TTC22: variants seen among roughly 807,000 people sequenced by gnomAD.
The protein encoded by TTC22 is tetratricopeptide repeat protein 22.
Under a neutral mutation model 48.2 loss-of-function variants are expected in TTC22, and 42 were observed. The observed-to-expected ratio is 0.87, with a 90% CI of 0.68 to 1.13. The LOEUF (loss-of-function observed/expected upper bound fraction) is 1.13. TTC22 is among the 50% of genes most tolerant of loss of function. The pLI, the probability that TTC22 is intolerant of heterozygous loss-of-function variation, is 0.00. For missense variants in TTC22, 784 were observed against 807.0 expected, an observed-to-expected ratio of 0.97 and a Z score of 0.34; for synonymous variants, 345 against 365.5, an observed-to-expected ratio of 0.94 and a Z score of 0.64.
chr1:54,787,234 A>C (rs1373829964), intron 3 of TTC22, 159 bp from the exon 4 acceptor site: 1 of 544,944 alleles, frequency 1.8e-6, no homozygotes, highest in African/African-American at 1.9e-5. Context: ...AAAGGTGGAG[A>C]GAGGGGCCAT....
At chr1:54,794,401 T>G (rs1646375064) in intron 1 of TTC22, among the ~76,000 whole-genome samples, 1 of 152,128 alleles carries the variant, frequency 6.6e-6, no homozygotes, top group Non-Finnish European at 1.5e-5. Context: ...GAAGGAAATG[T>G]TGGGGAGCTT....
At chr1:54,782,024 T>C (rs1247536198) in intron 6 of TTC22, among the ~76,000 whole-genome samples, 1 of 152,266 alleles carries the variant, frequency 6.6e-6, no homozygotes, top group Non-Finnish European at 1.5e-5. Context: ...CTCGGTTTTC[T>C]TGTACCTAAA....
Position 54,781,323 on chromosome 1 carries a change from C to A in TTC22, c.1630G>T (p.Val544Leu). The A allele has an allele frequency of 7.0e-7, 1 of 1,429,248 alleles. No individual in the cohort carries two copies. The highest frequency in any genetic ancestry group is 3.2e-5 in the Admixed American group (1 of 31,528). The allele number at this position is 1,429,248 out of a possible 1,614,324, so 88.5% of individuals were successfully genotyped here. A position where few individuals can be genotyped will look rare whatever the true frequency, so the allele number is the denominator to read the frequency against. ...ALVAQGRPAL[V>L]RLLFETMERE... is the part of the protein sequence containing the mutation. ...TCCATGGTCTCGAAGAGCAGCCGCA[C>A]CAGCGCCGGCCGTCCCTGGGCCACC... The change falls in exon 7 of 7, where the codon GTG (valine) becomes TTG (leucine). Residue 544 changes from valine (V) to leucine (L), a missense_variant. Coordinates refer to ENST00000371276, the MANE Select transcript of TTC22 (RefSeq NM_001114108.2).
At chr1:54,783,510 C>T (rs915197133) in intron 5 of TTC22, among the ~76,000 whole-genome samples, 1 of 152,186 alleles carries the variant, frequency 6.6e-6, no homozygotes, top group Non-Finnish European at 1.5e-5. Context: ...CATTAAGAGC[C>T]TCCTCTGTGC....
At position 54,781,042 on chromosome 1, in the gene TTC22, G is replaced by A. The variant is rs922722197; in HGVS notation, c.*201C>T. 4 of 408,444 alleles carry A rather than the reference G, an allele frequency of 9.8e-6. No homozygotes were observed. The highest frequency in any genetic ancestry group is 8.3e-5 in the African/African-American group (4 of 47,972). 25.3% of individuals were successfully genotyped at this position (408,444 alleles called of 1,614,324 possible). A position where few individuals can be genotyped will look rare whatever the true frequency, so the allele number is the denominator to read the frequency against. On this transcript the variant is annotated 3_prime_UTR_variant, in exon 7 of 7. Transcript: ENST00000371276. ...TCTGCTCCCAGCCTCTTCTGCTCTCGGGAATCAGGCCTTCCAGTCTGGGTG... is the reference window on the plus strand; with the variant it reads ...TCTGCTCCCAGCCTCTTCTGCTCTCAGGAATCAGGCCTTCCAGTCTGGGTG...
intron 1 of TTC22, among the ~76,000 whole-genome samples, chr1:54,796,853 G>A (rs944577392): frequency 6.6e-6 from 1 of 152,178 alleles, no homozygotes; most frequent in Non-Finnish European, 1.5e-5. Flanking sequence ...CAGACATTGA[G>A]GAGGGTGGAT....
chr1:54,793,724 T>C (rs1484892923), intron 1 of TTC22, among the ~76,000 whole-genome samples: 1 of 152,206 alleles, frequency 6.6e-6, no homozygotes, highest in African/African-American at 2.4e-5. Context: ...GAACACTTAC[T>C]ATGCACCAGG....
intron 4 of TTC22, chr1:54,786,712 A>C (rs1557772289): frequency 2.6e-6 from 1 of 384,602 alleles, no homozygotes; most frequent in Non-Finnish European, 4.6e-6. Flanking sequence ...TGAAGGTCTC[A>C]AGGGAAAAAG....
Position 54,779,826 on chromosome 1 carries a change from G to A in TTC22, c.*1417C>T, listed in dbSNP as rs1382881940. On this transcript the variant is annotated 3_prime_UTR_variant, in exon 7 of 7. Transcript: ENST00000371276. ...TTTGGGCAAGCCACTTCCCTTCTAT[G>A]GCTCTCAGTTTTCCCATCTGCACAA... 1 of 152,192 alleles carries A rather than the reference G, an allele frequency of 6.6e-6. No individual in the cohort carries two copies. The highest frequency in any genetic ancestry group is 1.5e-5 in the Non-Finnish European group (1 of 68,032). The allele number at this position is 152,192 out of a possible 1,614,324, so 9.4% of individuals were successfully genotyped here. A position where few individuals can be genotyped will look rare whatever the true frequency, so the allele number is the denominator to read the frequency against.
At position 54,787,738 on chromosome 1, in the gene TTC22, G is replaced by T. The variant is rs769246960; in HGVS notation, c.712C>A (p.Leu238Met). ...CGGTGGCGGGGGTCCTCGGACTTCA[G>T]CACTTGCCGGAGTAGGGCCAGCGTG... The part of the protein sequence containing the change: ...NRTLALLRQV[L>M]KSEDPRHRAL... The change falls in exon 3 of 7, where the codon CTG becomes ATG. Residue 238 changes from leucine to methionine, a missense_variant. By Grantham distance (15) the Leu-to-Met change is conservative. Coordinates refer to ENST00000371276, the MANE Select transcript of TTC22 (RefSeq NM_001114108.2). 4 of 1,613,398 alleles carry T rather than the reference G, an allele frequency of 2.5e-6. No individual in the cohort carries two copies. In the South Asian group the frequency reaches 4.4e-5, roughly 18 times the overall value.
At position 54,781,441 on chromosome 1, in the gene TTC22, G is replaced by A. The variant is rs1646261364; in HGVS notation, c.1512C>T (p.Ala504=). Reference sequence around the variant, plus strand: ...GGCGCGCCGCGGGGTACTTGTCCTGGGCGCGGCGCAGCCAGGCGTCCACCT... The same window carrying A: ...GGCGCGCCGCGGGGTACTTGTCCTGAGCGCGGCGCAGCCAGGCGTCCACCT... The part of the protein sequence containing the change: ...GREVDAWLRR[A]QDKYPAARLR... The change falls in exon 7 of 7, where the codon GCC becomes GCT. Residue 504 remains alanine, a synonymous_variant. Transcript: ENST00000371276. 6.9e-7 allele frequency: 1 copy of A among 1,441,444 alleles called. No homozygotes were observed. The highest frequency in any genetic ancestry group is 9.0e-7 in the Non-Finnish European group (1 of 1,107,620). The allele number at this position is 1,441,444 out of a possible 1,614,324, so 89.3% of individuals were successfully genotyped here. A position where few individuals can be genotyped will look rare whatever the true frequency, so the allele number is the denominator to read the frequency against.
chr1:54,795,278 G>A (rs3753402), intron 1 of TTC22, among the ~76,000 whole-genome samples: 1 of 152,204 alleles, frequency 6.6e-6, no homozygotes, highest in African/African-American at 2.4e-5. Flanking sequence ...GGTGGTATGC[G>A]CACAGGTGGA....
intron 1 of TTC22, among the ~76,000 whole-genome samples, chr1:54,799,073 T>A (rs935401454): frequency 1.3e-5 from 2 of 152,296 alleles, no homozygotes; most frequent in Middle Eastern, 6.8e-3. Context: ...ATAAATAGGG[T>A]CTCCAAATCC....
chr1:54,793,661 C>T (rs562157268), intron 1 of TTC22, among the ~76,000 whole-genome samples: 4 of 151,652 alleles, frequency 2.6e-5, no homozygotes, highest in South Asian at 2.1e-4. Context: ...GTAACAGTCT[C>T]GACTGAAACC....
chr1:54,798,434 T>C (rs2101474817), intron 1 of TTC22, among the ~76,000 whole-genome samples: 1 of 152,322 alleles, frequency 6.6e-6, no homozygotes, highest in East Asian at 1.9e-4. Flanking sequence ...GGTCCCCATA[T>C]CCCCAGAGTG....
chr1:54,797,220 A>G (rs1395644153), intron 1 of TTC22, among the ~76,000 whole-genome samples: 1 of 152,196 alleles, frequency 6.6e-6, no homozygotes, highest in Non-Finnish European at 1.5e-5. Flanking sequence ...TACTTAATCT[A>G]GAGATTTGCT....
chr1:54,782,349 G>C lies in TTC22; in HGVS notation c.1149C>G (p.Phe383Leu). ...LEEVVRVCPG[F>L]KAYLDIGQVY... ...CCTGGCCGATGTCCAGGTACGCCTTGAAGCCTGGGCACACCCTGACCACTT... is the reference window on the plus strand; with the variant it reads ...CCTGGCCGATGTCCAGGTACGCCTTCAAGCCTGGGCACACCCTGACCACTT... The change falls in exon 6 of 7, where the codon TTC (phenylalanine) becomes TTG (leucine). Residue 383 changes from phenylalanine (F) to leucine (L), a missense_variant. Coordinates refer to ENST00000371276, the MANE Select transcript of TTC22 (RefSeq NM_001114108.2). 3 of 1,546,964 alleles carry C rather than the reference G, an allele frequency of 1.9e-6. No homozygotes were observed. The highest frequency in any genetic ancestry group is 1.7e-6 in the Non-Finnish European group (2 of 1,144,776).
chr1:54,800,654 C>G lies in TTC22; in HGVS notation c.510G>C (p.Ala170=). The part of the protein sequence containing the change: ...DVGCASPEER[A]RGLAAGIALY... Reference sequence around the variant, plus strand: ...GCGCGATGCCTGCCGCCAGCCCCCGCGCACGCTCCTCTGGGCTGGCGCAGC... The same window carrying G: ...GCGCGATGCCTGCCGCCAGCCCCCGGGCACGCTCCTCTGGGCTGGCGCAGC... Residue 170 remains alanine, a synonymous_variant, in exon 1 of 7, where the codon GCG becomes GCC. Coordinates refer to ENST00000371276, the MANE Select transcript of TTC22 (RefSeq NM_001114108.2). 1.9e-6 allele frequency: 3 copies of G among 1,555,478 alleles called. No individual in the cohort carries two copies. The highest frequency in any genetic ancestry group is 2.6e-6 in the Non-Finnish European group (3 of 1,161,752).
In TTC22 at chr1:54,800,945, G is replaced by C. The variant is rs772753940; in HGVS notation, c.219C>G (p.Gly73=). Residue 73 remains glycine, a synonymous_variant, in exon 1 of 7, where the codon GGC becomes GGG. Coordinates refer to ENST00000371276, the MANE Select transcript of TTC22 (RefSeq NM_001114108.2). The stretch of plus-strand genomic sequence containing the variant: ...GCTCCTCCAGGTAGAATGCGAAAGC[G>C]CCCAGGAGGTGACGCACAGCGGGGC... ...PQRPAVRHLL[G]AFAFYLEELD... 6.2e-7 allele frequency: 1 copy of C among 1,607,154 alleles called. No homozygotes were observed. The highest frequency in any genetic ancestry group is 2.2e-5 in the East Asian group (1 of 44,642).
Sources: gnomAD v4.1 joint callset for allele counts (sites outside exome capture counted in the v4.1 genomes callset) on GRCh38, gnomAD v4.1.1 for gene constraint, MANE v1.5 for transcripts, NCBI Gene and HGNC (gene_info 2026-07-23, HGNC 2026-07-21) for gene names.